The following ABRA variants were observed in gnomAD, a reference collection of about 807,000 sequenced individuals.
ABRA encodes actin binding Rho activating protein.
Under a neutral mutation model 33.4 loss-of-function variants are expected in ABRA, and 25 were observed. The observed-to-expected ratio is 0.75, with a 90% CI of 0.55 to 1.04. ABRA has a LOEUF of 1.04. ABRA is among the 50% of genes least tolerant of loss of function. The pLI is 0.00. For missense variants in ABRA, 501 were observed against 491.7 expected, an observed-to-expected ratio of 1.02 and a Z score of -0.18; for synonymous variants, 193 against 176.8, an observed-to-expected ratio of 1.09 and a Z score of -0.73.
In ABRA at chr8:106,768,928, G is replaced by A. The variant is rs143632231; in HGVS notation, c.668+595C>T. Among the ~76,000 whole-genome samples the A allele has an allele frequency of 2.1e-3, 312 of 152,162 alleles. 1 individual carries two copies. Among genetic ancestry groups the A allele is most frequent in the Non-Finnish European group, 3.4e-3 (232 of 68,004 alleles). ...CTGAGATTACAGGCTGAGCCACTGC[G>A]CCCAGCTGATGAAATCACCTTTAAA... On this transcript the variant is annotated intron_variant, in intron 1 of 1. Transcript: ENST00000311955.
At chr8:106,768,683 G>T (rs1231070652) in intron 1 of ABRA, among the ~76,000 whole-genome samples, 1 of 152,140 alleles carries the variant, frequency 6.6e-6, no homozygotes, top group Non-Finnish European at 1.5e-5. Context: ...GCCCAGGCTG[G>T]AGTACAGTGG....
At position 106,761,488 on chromosome 8, in the gene ABRA, T is replaced by A; in HGVS notation, c.695A>T (p.Asn232Ile). 3.7e-6 allele frequency: 6 copies of A among 1,613,896 alleles called. No homozygotes were observed. Among genetic ancestry groups the A allele is most frequent in the Non-Finnish European group, 5.1e-6 (6 of 1,179,892 alleles). The change falls in exon 2 of 2, where the codon AAC becomes ATC. Residue 232 changes from asparagine (N) to isoleucine (I), a missense_variant. Physicochemically the swap from Asn to Ile is moderately radical, Grantham distance 149. Transcript: ENST00000311955. ...GCTATATTTCTGTTGGGCTTTGCAGTTGAGTTTCTCTGTAAATCTGTTTAC... is the reference window on the plus strand; with the variant it reads ...GCTATATTTCTGTTGGGCTTTGCAGATGAGTTTCTCTGTAAATCTGTTTAC... ...SQVNRFTEKL[N>I]CKAQQKYSPV... is the part of the protein sequence containing the mutation.
At chr8:106,766,489 C>T (rs1471733821) in intron 1 of ABRA, among the ~76,000 whole-genome samples, 1 of 152,122 alleles carries the variant, frequency 6.6e-6, no homozygotes, top group Non-Finnish European at 1.5e-5. Context: ...CTTAGTAATG[C>T]TGCTTTCATT....
chr8:106,770,221 C>G lies in ABRA; in HGVS notation c.-31G>C. 1 of 1,575,864 alleles carries G rather than the reference C, an allele frequency of 6.3e-7. No individual in the cohort carries two copies. Among genetic ancestry groups the G allele is most frequent in the Non-Finnish European group, 8.6e-7 (1 of 1,167,618 alleles). ...CCACCTGTCTTTCTCTGCTGATAGC[C>G]TGGACACTGGCTAAAATGAGTGTGG... On this transcript the variant is annotated 5_prime_UTR_variant, in exon 1 of 2. Transcript: ENST00000311955.
At chr8:106,764,414 G>A (rs1454245884) in intron 1 of ABRA, among the ~76,000 whole-genome samples, 5 of 152,190 alleles carry the variant, frequency 3.3e-5, no homozygotes, top group African/African-American at 4.8e-5. Flanking sequence ...AGCACTTGGG[G>A]AGGGTGAAGT....
intron 1 of ABRA, among the ~76,000 whole-genome samples, chr8:106,767,967 C>T (rs1810529247): frequency 1.3e-5 from 2 of 151,932 alleles, no homozygotes; most frequent in Admixed American, 6.6e-5. Flanking sequence ...TGGTGGTGTG[C>T]ACCTGTAATC....
chr8:106,768,461 T>C (rs1810538109), intron 1 of ABRA, among the ~76,000 whole-genome samples: 1 of 152,234 alleles, frequency 6.6e-6, no homozygotes, highest in South Asian at 2.1e-4. Context: ...TTTTTGAAAA[T>C]TTGAAAAGTT....
In ABRA at chr8:106,769,744, T is replaced by G. The variant is rs761154629; in HGVS notation, c.447A>C (p.Arg149Ser). 6.2e-7 allele frequency: 1 copy of G among 1,614,182 alleles called. No individual in the cohort carries two copies. The highest frequency in any genetic ancestry group is 1.7e-5 in the Admixed American group (1 of 60,022). ...TTGGGGAGCCGTGGCTGTGGAGGAT[T>G]CTGTCAATGTCATTCTCTGGCTGCC... ...EPGQPENDIDRILHSHGSPTR... is the reference protein window; with the variant it reads ...EPGQPENDIDSILHSHGSPTR... The change falls in exon 1 of 2, where the codon AGA becomes AGC. Residue 149 changes from arginine (R) to serine (S), a missense_variant. Transcript: ENST00000311955.
Position 106,770,014 on chromosome 8 carries a change from T to A in ABRA, c.177A>T (p.Ser59=). ...GTGTGATTGGTTTAGGAGCTTGAGG[T>A]GAGTCCTGGGTCCCTCCCGGCAGCC... ...TGWLPGGTQD[S]PQAPKPITPP... is the part of the protein sequence containing the mutation. The change falls in exon 1 of 2, where the codon TCA becomes TCT. Residue 59 remains serine (S), a synonymous_variant. Transcript: ENST00000311955. 2 of 1,613,846 alleles carry A rather than the reference T, an allele frequency of 1.2e-6. No homozygotes were observed. The highest frequency in any genetic ancestry group is 1.7e-6 in the Non-Finnish European group (2 of 1,179,938).
At chr8:106,765,306 C>T (rs923523713) in intron 1 of ABRA, among the ~76,000 whole-genome samples, 2 of 152,122 alleles carry the variant, frequency 1.3e-5, no homozygotes, top group East Asian at 1.9e-4. Flanking sequence ...CTGGTGGTTG[C>T]CCTTCACTTG....
In ABRA at chr8:106,769,762, T is replaced by G; in HGVS notation, c.429A>C (p.Pro143=). 1 of 1,614,208 alleles carries G rather than the reference T, an allele frequency of 6.2e-7. No homozygotes were observed. The highest frequency in any genetic ancestry group is 8.5e-7 in the Non-Finnish European group (1 of 1,180,034). The change falls in exon 1 of 2, where the codon CCA becomes CCC. Residue 143 remains proline, a synonymous_variant. Coordinates refer to ENST00000311955, the MANE Select transcript of ABRA (RefSeq NM_139166.5). ...GGAGGATTCTGTCAATGTCATTCTC[T>G]GGCTGCCCAGGTTCAAGCACACCAG... is the stretch of plus-strand genomic sequence containing the variant. The part of the protein sequence containing the change: ...RDAGVLEPGQ[P]ENDIDRILHS...
rs13259080 is a variant in ABRA at position 106,769,837 on chromosome 8, A to G, written c.354T>C (p.Tyr118=). Reference sequence around the variant, plus strand: ...GGTGGCTCACGTCCCCTCCTCTCTCATAAGTCTTGCTGACCACCGTTTTGG... The same window carrying G: ...GGTGGCTCACGTCCCCTCCTCTCTCGTAAGTCTTGCTGACCACCGTTTTGG... ...EVSKTVVSKT[Y]ERGGDVSHLS... The change falls in exon 1 of 2, where the codon TAT becomes TAC. Residue 118 remains tyrosine (Y), a synonymous_variant. Transcript: ENST00000311955. The G allele has an allele frequency of 0.15, 247,111 of 1,613,778 alleles. 20,961 individuals carry two copies. The highest frequency in any genetic ancestry group is 0.37 in the East Asian group (16,392 of 44,848).
intron 1 of ABRA, among the ~76,000 whole-genome samples, chr8:106,765,904 C>T (rs1239542289): frequency 6.6e-6 from 1 of 152,180 alleles, no homozygotes; most frequent in Non-Finnish European, 1.5e-5. Flanking sequence ...CCATTTTGGT[C>T]CTTAAGTCTG....
chr8:106,767,299 TGAGA>T (rs1200285835), intron 1 of ABRA, among the ~76,000 whole-genome samples: 3 of 152,234 alleles, frequency 2.0e-5, no homozygotes, highest in Non-Finnish European at 2.9e-5. Context: ...TAAAATGTGC[TGAGA>T]GAAAGATCTT....
At position 106,770,067 on chromosome 8, in the gene ABRA, T is replaced by C; in HGVS notation, c.124A>G (p.Ile42Val). 1 of 1,614,076 alleles carries C rather than the reference T, an allele frequency of 6.2e-7. No individual in the cohort carries two copies. The highest frequency in any genetic ancestry group is 1.3e-5 in the African/African-American group (1 of 75,014). The part of the protein sequence containing the change: ...GWQQWANENS[I>V]RQAQEPTGWL... ...CCTGTAGGCTCCTGGGCCTGCCTGA[T>C]GCTGTTCTCATTCGCCCACTGCTGC... The change falls in exon 1 of 2, where the codon ATC (isoleucine) becomes GTC (valine). Residue 42 changes from isoleucine to valine, a missense_variant. Coordinates refer to ENST00000311955, the MANE Select transcript of ABRA (RefSeq NM_139166.5).
chr8:106,762,058 T>C (rs185811714), intron 1 of ABRA, among the ~76,000 whole-genome samples: 183 of 152,320 alleles, frequency 1.2e-3, no homozygotes, highest in Non-Finnish European at 2.1e-3. Context: ...GTTGTACAGA[T>C]AGAAAACACT....
At chr8:106,764,346 G>T (rs1040337905) in intron 1 of ABRA, among the ~76,000 whole-genome samples, 3 of 152,194 alleles carry the variant, frequency 2.0e-5, no homozygotes, top group Admixed American at 2.0e-4. Flanking sequence ...ATTGGTGTGT[G>T]CCAATAAATC....
At chr8:106,762,163 T>C (rs919775754) in intron 1 of ABRA, among the ~76,000 whole-genome samples, 3 of 152,252 alleles carry the variant, frequency 2.0e-5, no homozygotes, top group Non-Finnish European at 4.4e-5. Flanking sequence ...AGATAGGTAC[T>C]ACTATTCCTA....
At chr8:106,765,398 T>G (rs1481921055) in intron 1 of ABRA, among the ~76,000 whole-genome samples, 1 of 152,146 alleles carries the variant, frequency 6.6e-6, no homozygotes, top group Non-Finnish European at 1.5e-5. Context: ...AAAGTGAAAA[T>G]GGGCTTTCAC....
Sources: allele counts gnomAD v4.1 joint callset (sites outside exome capture counted in the v4.1 genomes callset), GRCh38; gene constraint gnomAD v4.1.1; transcripts MANE v1.5; gene names NCBI Gene and HGNC (gene_info 2026-07-23, HGNC 2026-07-21).